The following FAH variants were observed in gnomAD, a reference collection of about 807,000 sequenced individuals.
The protein encoded by FAH is fumarylacetoacetase.
Under a neutral mutation model 55.8 loss-of-function variants are expected in FAH, and 47 were observed. The ratio of observed to expected loss-of-function variants is 0.84; its 90% CI spans 0.67 to 1.07. The LOEUF (loss-of-function observed/expected upper bound fraction) is 1.07, where lower values mean the gene tolerates loss of function less well. FAH is among the 50% of genes least tolerant of loss of function. The pLI, the probability that FAH is intolerant of heterozygous loss-of-function variation, is 0.00. For synonymous variants in FAH, 199 were observed against 207.7 expected, an observed-to-expected ratio of 0.96 and a Z score of 0.36; for missense variants, 495 against 545.9, an observed-to-expected ratio of 0.91 and a Z score of 0.93.
At chr15:80,180,903 C>T (rs535070472) in intron 12 of FAH, 139 bp from the exon 13 acceptor site, 29 of 679,490 alleles carry the variant, frequency 4.3e-5, no homozygotes, top group African/African-American at 4.2e-4. Context: ...AGTGATCCCA[C>T]CAAGGCCGAG....
At chr15:80,158,524 C>A (rs1444364632) in intron 2 of FAH, among the ~76,000 whole-genome samples, 1 of 152,182 alleles carries the variant, frequency 6.6e-6, no homozygotes, top group Non-Finnish European at 1.5e-5. Flanking sequence ...GTGTGGGCCC[C>A]CAAGGGAGGG....
At chr15:80,154,219 G>T (rs2041079088) in intron 1 of FAH, among the ~76,000 whole-genome samples, 1 of 152,192 alleles carries the variant, frequency 6.6e-6, no homozygotes, top group Non-Finnish European at 1.5e-5. Context: ...CCTTTCTGCA[G>T]ACAGAGCCCT....
intron 7 of FAH, among the ~76,000 whole-genome samples, chr15:80,170,806 T>C (rs2041234557): frequency 6.6e-6 from 1 of 152,258 alleles, no homozygotes; most frequent in South Asian, 2.1e-4. Context: ...TTAACTATTG[T>C]CACAGAACAA....
rs2041114940 is a variant in FAH at position 80,158,100 on chromosome 15, T to C, written c.122T>C (p.Leu41Pro). 1.9e-6 allele frequency: 3 copies of C among 1,614,210 alleles called. No homozygotes were observed. The change falls in exon 2 of 14, where the codon CTG (leucine) becomes CCG (proline). Residue 41 changes from leucine (L) to proline (P), a missense_variant. Transcript: ENST00000561421. ...GGTGTGGCCATTGGCGACCAGATCC[T>C]GGACCTCAGCATCATCAAGCACCTC... ...RIGVAIGDQI[L>P]DLSIIKHLFT...
intron 2 of FAH, among the ~76,000 whole-genome samples, chr15:80,159,227 G>GA (rs71455313): frequency 2.0e-4 from 30 of 146,492 alleles, no homozygotes; most frequent in African/African-American, 2.3e-4. Context: ...GACAGAATGG[G>GA]AAAAAAAAAA....
rs556011189 is a variant in FAH, at chr15:80,174,654, C to T, written c.838-362C>T. Among the ~76,000 whole-genome samples, 21 of 152,288 alleles carry T rather than the reference C, an allele frequency of 1.4e-4. No individual in the cohort carries two copies. The East Asian group carries it at 1.5e-3, about 11-fold the overall frequency. Reference sequence around the variant, plus strand: ...TCTGCCTTCCAGGGGCCCTGCAATGCGCTTTCAGGCCCAGCCTTTCCTCAC... The same window carrying T: ...TCTGCCTTCCAGGGGCCCTGCAATGTGCTTTCAGGCCCAGCCTTTCCTCAC... On this transcript the variant is annotated intron_variant, in intron 9 of 13. Transcript: ENST00000561421.
intron 7 of FAH, among the ~76,000 whole-genome samples, chr15:80,169,708 T>C (rs978922957): frequency 1.3e-5 from 2 of 152,026 alleles, no homozygotes; most frequent in African/African-American, 4.8e-5. Context: ...TAATTTTTTG[T>C]ATTTTTAGTA....
intron 11 of FAH, among the ~76,000 whole-genome samples, chr15:80,178,225 A>G (rs1394100249): frequency 6.6e-6 from 1 of 152,080 alleles, no homozygotes; most frequent in African/African-American, 2.4e-5. Flanking sequence ...AAAAAAGTGC[A>G]TATTATACAT....
chr15:80,180,395 C>T (rs1441808468), intron 12 of FAH, 170 bp downstream of exon 12: 1 of 633,488 alleles, frequency 1.6e-6, no homozygotes, highest in Non-Finnish European at 2.8e-6. Context: ...AGGGACTTCT[C>T]ATCCAAATTC....
chr15:80,160,671 G>A (rs2041141435), intron 4 of FAH: 1 of 685,424 alleles, frequency 1.5e-6, no homozygotes, highest in Non-Finnish European at 2.7e-6. Flanking sequence ...GCCTCAGGTA[G>A]TGAGTTGCAG....
Position 80,160,390 on chromosome 15 carries a change from C to T in FAH, c.315-20C>T. 6.2e-7 allele frequency: 1 copy of T among 1,613,972 alleles called. No individual in the cohort carries two copies. Among genetic ancestry groups the T allele is most frequent in the East Asian group, 2.2e-5 (1 of 44,874 alleles). ...CTTTGCTGCCTACTTGACTTTGAAG[C>T]CCCTGGTTCTGTGTTTCAGTGCATT... On this transcript the variant is annotated intron_variant, in intron 3 of 13. Coordinates refer to ENST00000561421, the MANE Select transcript of FAH (RefSeq NM_000137.4).
intron 10 of FAH, 104 bp from the exon 11 acceptor site, chr15:80,177,433 A>G (rs1388027968): frequency 1.3e-5 from 14 of 1,041,202 alleles, no homozygotes; most frequent in Admixed American, 1.8e-5. Context: ...AAGTGAAATC[A>G]TGTTGGACAA....
At chr15:80,158,414 C>T (rs2041118788) in intron 2 of FAH, among the ~76,000 whole-genome samples, 1 of 152,162 alleles carries the variant, frequency 6.6e-6, no homozygotes, top group African/African-American at 2.4e-5. Context: ...TCAGTGTCTG[C>T]AGTCCTGGGT....
At chr15:80,155,551 G>A (rs913016441) in intron 1 of FAH, among the ~76,000 whole-genome samples, 1 of 152,134 alleles carries the variant, frequency 6.6e-6, no homozygotes, top group Non-Finnish European at 1.5e-5. Context: ...GGGGCTTAGC[G>A]GGTTTTCTCC....
Position 80,159,896 on chromosome 15 carries a change from T to C in FAH, c.314+19T>C. On this transcript the variant is annotated intron_variant, in intron 3 of 13. Coordinates refer to ENST00000561421, the MANE Select transcript of FAH (RefSeq NM_000137.4). ...GGAAGTGGTGAGAAGCACGTGGTCATAGGGGGGATGAGGGGATGCAGCAGG... is the reference window on the plus strand; with the variant it reads ...GGAAGTGGTGAGAAGCACGTGGTCACAGGGGGGATGAGGGGATGCAGCAGG... 1 of 1,613,630 alleles carries C rather than the reference T, an allele frequency of 6.2e-7. No homozygotes were observed. The highest frequency in any genetic ancestry group is 8.5e-7 in the Non-Finnish European group (1 of 1,179,802).
intron 1 of FAH, among the ~76,000 whole-genome samples, chr15:80,155,484 G>A (rs1354452666): frequency 6.6e-6 from 1 of 152,234 alleles, no homozygotes; most frequent in Non-Finnish European, 1.5e-5. Context: ...GTAAGAGGCA[G>A]ATATGGGGTT....
chr15:80,182,396 A>G (rs1331825896), intron 13 of FAH, among the ~76,000 whole-genome samples: 2 of 152,236 alleles, frequency 1.3e-5, no homozygotes, highest in African/African-American at 2.4e-5. Flanking sequence ...GCAGCCACAT[A>G]GTGCATGCCC....
chr15:80,183,564 C>A (rs534787417), intron 13 of FAH, among the ~76,000 whole-genome samples: 1 of 152,344 alleles, frequency 6.6e-6, no homozygotes. Flanking sequence ...CAGCTCTTCC[C>A]GGCTTTCCTC....
At chr15:80,157,353 CA>C in intron 1 of FAH, 1 of 154,290 alleles carries the variant, frequency 6.5e-6, no homozygotes, top group Non-Finnish European at 1.4e-5. Flanking sequence ...AAGCCTGGCT[CA>C]GGACAGAGCC....
Sources: gnomAD v4.1 joint callset for allele counts (sites outside exome capture counted in the v4.1 genomes callset) on GRCh38, gnomAD v4.1.1 for gene constraint, MANE v1.5 for transcripts, NCBI Gene and HGNC (gene_info 2026-07-23, HGNC 2026-07-21) for gene names.